ABCA13: variants seen among roughly 807,000 people sequenced by gnomAD.
The protein encoded by ABCA13 is ATP-binding cassette sub-family A member 13.
A neutral mutation model predicts 478.7 loss-of-function variants in ABCA13; 476 were observed. The observed-to-expected ratio is 0.99, with a 90% CI of 0.92 to 1.07. The LOEUF is 1.07. ABCA13 is among the 50% of genes least tolerant of loss of function. ABCA13 has a pLI of 0.00. For missense variants in ABCA13, 6,060 were observed against 5,910.6 expected, an observed-to-expected ratio of 1.03 and a Z score of -0.83; for synonymous variants, 2,252 against 2,158.9, an observed-to-expected ratio of 1.04 and a Z score of -1.20.
At chr7:48,555,733 G>A (rs1785753180) in intron 55 of ABCA13, among the ~76,000 whole-genome samples, 1 of 151,214 alleles carries the variant, frequency 6.6e-6, no homozygotes, top group African/African-American at 2.4e-5. Flanking sequence ...CTACAGGTTT[G>A]TCAATTTTAT....
At chr7:48,298,935 C>T (rs1048086923) in intron 23 of ABCA13, among the ~76,000 whole-genome samples, 5 of 152,092 alleles carry the variant, frequency 3.3e-5, no homozygotes, top group East Asian at 1.9e-4. Context: ...TATGTGCTAC[C>T]GTAGTGAATC....
In ABCA13 at chr7:48,314,276, C is replaced by G; in HGVS notation, c.9726C>G (p.Phe3242Leu). The G allele has an allele frequency of 6.2e-7, 1 of 1,613,460 alleles. No homozygotes were observed. Among genetic ancestry groups the G allele is most frequent in the East Asian group, 2.2e-5 (1 of 44,856 alleles). ...CCAGAAGTTCAGCTTTTGGTTCTTT[C>G]CAGTTTGTGATGAAGATGGTTTGCA... ...VQARSSAFGS[F>L]QFVMKMVCKD... Residue 3242 changes from phenylalanine to leucine, a missense_variant, in exon 26 of 62, where the codon TTC (phenylalanine) becomes TTG (leucine). Phe to Leu is a conservative substitution (Grantham distance 22, BLOSUM62 0). Around this residue, in one of 3 missense-constraint regions of ABCA13, gnomAD observed 4,423 missense variants for 4,309.1 expected, o/e 1.03. Transcript: ENST00000435803.
At chr7:48,198,974 AC>A (rs1461204681) in intron 3 of ABCA13, among the ~76,000 whole-genome samples, 1 of 152,200 alleles carries the variant, frequency 6.6e-6, no homozygotes, top group African/African-American at 2.4e-5. Context: ...AGGGGGTTTA[AC>A]TTGGGGGATA....
chr7:48,248,703 A>G (rs1050586112), intron 14 of ABCA13, among the ~76,000 whole-genome samples: 1 of 152,204 alleles, frequency 6.6e-6, no homozygotes, highest in African/African-American at 2.4e-5. Flanking sequence ...AGTCCAAGGT[A>G]TGCATGTGAT....
chr7:48,361,719 A>G (rs897903198), intron 31 of ABCA13, among the ~76,000 whole-genome samples: 5 of 151,732 alleles, frequency 3.3e-5, no homozygotes, highest in African/African-American at 1.2e-4. Context: ...CATAGATCTC[A>G]TATGTAGCTA....
intron 3 of ABCA13, among the ~76,000 whole-genome samples, chr7:48,218,996 G>C (rs1786912554): frequency 6.6e-6 from 1 of 152,186 alleles, no homozygotes; most frequent in African/African-American, 2.4e-5. Context: ...CTCATGCACA[G>C]ATCATATCAT....
intron 48 of ABCA13, among the ~76,000 whole-genome samples, chr7:48,504,612 A>G (rs908967222): frequency 6.6e-6 from 1 of 152,184 alleles, no homozygotes; most frequent in Non-Finnish European, 1.5e-5. Context: ...TAATTCCAAG[A>G]CATGTACTCA....
Position 48,455,151 on chromosome 7 carries a change from T to A in ABCA13, c.12680T>A (p.Leu4227His), listed in dbSNP as rs1825517852. The A allele has an allele frequency of 1.9e-6, 3 of 1,578,626 alleles. No homozygotes were observed. Among genetic ancestry groups the A allele is most frequent in the Non-Finnish European group, 2.6e-6 (3 of 1,162,688 alleles). ...ACGCTGCGCGCCGGGAAGAGCACCC[T>A]CGCCGACCTGCTGCTGCCAGTCCTC... ...RRTLRAGKSTLADLLLPVLFV... is the reference protein window; with the variant it reads ...RRTLRAGKSTHADLLLPVLFV... The change falls in exon 43 of 62, where the codon CTC (leucine) becomes CAC (histidine). Residue 4227 changes from leucine to histidine, a missense_variant. Physicochemically the swap from Leu to His is moderately conservative, Grantham distance 99. This residue lies in a region of ABCA13 where 1,627 missense variants were observed against 1,571.0 expected (regional missense o/e 1.04). Transcript: ENST00000435803.
At chr7:48,593,050 G>T (rs976746864) in intron 57 of ABCA13, among the ~76,000 whole-genome samples, 1 of 151,946 alleles carries the variant, frequency 6.6e-6, no homozygotes. Context: ...ATTGGCAAAT[G>T]CTGTCTATTT....
chr7:48,498,405 C>G (rs1056646228), intron 48 of ABCA13, among the ~76,000 whole-genome samples: 2 of 152,060 alleles, frequency 1.3e-5, no homozygotes, highest in African/African-American at 4.8e-5. Flanking sequence ...GATAAGGAAG[C>G]CAGAATATTT....
At chr7:48,327,449 A>G (rs1448762394) in intron 27 of ABCA13, among the ~76,000 whole-genome samples, 5 of 152,182 alleles carry the variant, frequency 3.3e-5, no homozygotes. Flanking sequence ...GATTATGGGA[A>G]GTACAATTCA....
At chr7:48,412,811 C>CT (rs1240048320) in intron 41 of ABCA13, among the ~76,000 whole-genome samples, 9 of 146,478 alleles carry the variant, frequency 6.1e-5, no homozygotes, top group East Asian at 2.0e-4. Flanking sequence ...TTTTAGCATT[C>CT]TTTTTTTTTG....
chr7:48,230,745 A>G (rs1788941725), intron 7 of ABCA13, among the ~76,000 whole-genome samples: 1 of 149,876 alleles, frequency 6.7e-6, no homozygotes, highest in Non-Finnish European at 1.5e-5. Context: ...TAATCCATCC[A>G]TCCGTCCATC....
chr7:48,268,669 G>T (rs6583478), intron 15 of ABCA13, among the ~76,000 whole-genome samples: 106,155 of 151,950 alleles, frequency 0.7, 37,551 homozygotes, highest in East Asian at 0.99. Context: ...GGACTCTGGT[G>T]CAGTCTCTCC....
intron 3 of ABCA13, among the ~76,000 whole-genome samples, chr7:48,216,627 G>T (rs1325855662): frequency 1.3e-5 from 2 of 151,626 alleles, no homozygotes; most frequent in Non-Finnish European, 1.5e-5. Context: ...TTTGTTGTTT[G>T]TGCTTTTGGT....
intron 13 of ABCA13, among the ~76,000 whole-genome samples, chr7:48,247,238 A>G (rs537725396): frequency 6.6e-6 from 1 of 152,214 alleles, no homozygotes; most frequent in South Asian, 2.1e-4. Flanking sequence ...ACCCTATTAA[A>G]AAAATAAAGA....
At chr7:48,543,316 G>T (rs879146562) in intron 55 of ABCA13, among the ~76,000 whole-genome samples, 1 of 151,674 alleles carries the variant, frequency 6.6e-6, no homozygotes, top group Admixed American at 6.6e-5. Context: ...ATAAGGAAAA[G>T]ACTACAATTA....
intron 15 of ABCA13, among the ~76,000 whole-genome samples, chr7:48,265,489 T>C (rs62449190): frequency 0.096 from 14,548 of 151,576 alleles, 812 homozygotes; most frequent in South Asian, 0.18. Flanking sequence ...TAAAAGTCTT[T>C]CACGTCTTTT....
chr7:48,531,651 A>T (rs193092745), intron 55 of ABCA13, among the ~76,000 whole-genome samples: 4 of 149,592 alleles, frequency 2.7e-5, no homozygotes, highest in African/African-American at 9.8e-5. Context: ...ATTTGTTTGT[A>T]TCATCTATGA....
Sources: gnomAD v4.1 joint callset for allele counts (sites outside exome capture counted in the v4.1 genomes callset) on GRCh38, gnomAD v4.1.1 for gene constraint, gnomAD v4.1.1 regional missense constraint, MANE v1.5 for transcripts, NCBI Gene and HGNC (gene_info 2026-07-23, HGNC 2026-07-21) for gene names.